POLI: variants seen among roughly 807,000 people sequenced by gnomAD.
POLI encodes the protein RAD30 homolog B.
In POLI, 58 loss-of-function variants were observed where a neutral mutation model predicts 51.6. That is an observed-to-expected ratio of 1.12 (90% CI 0.91 to 1.40). The LOEUF is 1.40. Ranked by LOEUF, POLI falls within the 40% of genes most tolerant of loss-of-function variation. The pLI is 0.00. For synonymous variants in POLI, 322 were observed against 299.7 expected (o/e 1.07, Z -0.77); for missense variants, 921 against 871.3 (o/e 1.06, Z -0.72).
At chr18:54,306,519 A>T (rs1344143719) in intron 3 of POLI, among the ~76,000 whole-genome samples, 1 of 145,316 alleles carries the variant, frequency 6.9e-6, no homozygotes, top group African/African-American at 2.5e-5. Flanking sequence ...CATCAGGGAT[A>T]TTGGTCTAAA....
chr18:54,280,274 GGAA>G (rs1262119662), intron 4 of POLI, among the ~76,000 whole-genome samples: 2 of 152,226 alleles, frequency 1.3e-5, no homozygotes, highest in Admixed American at 1.3e-4. Context: ...CACTCATGGT[GGAA>G]GGCAAAAGGG....
rs752557345 is a variant in POLI, at chr18:54,277,852, C to G, written c.556C>G (p.Gln186Glu). 1.2e-6 allele frequency: 2 copies of G among 1,608,920 alleles called. No individual in the cohort carries two copies. Among genetic ancestry groups the G allele is most frequent in the South Asian group, 2.2e-5 (2 of 90,534 alleles). ...TGTGTCGGGTCATGTATACAATAAT[C>G]AGTGTGAGTGGGTTCTTATTCATTC... ...VTVSGHVYNN[Q>E]SINLLDVLHI... Residue 186 changes from glutamine (Q) to glutamate (E), a missense_variant, in exon 4 of 10, where the codon CAG becomes GAG. By Grantham distance (29) the Gln-to-Glu change is conservative. Coordinates refer to ENST00000579534, the MANE Select transcript of POLI (RefSeq NM_007195.3).
Position 54,269,599 on chromosome 18 carries a change from AGG to A in POLI, c.54_55del (p.Glu19ArgfsTer23). The A allele has an allele frequency of 6.7e-7, 1 of 1,502,010 alleles. No individual in the cohort carries two copies. Among genetic ancestry groups the A allele is most frequent in the African/African-American group, 1.5e-5 (1 of 68,124 alleles). 93.0% of individuals were successfully genotyped at this position (1,502,010 alleles called of 1,614,324 possible). ...GAGGAAGGCGGCGGCGACGACGACG[AGG>A]AAGACGCCGAGGCCTGGGCCATGGA... On this transcript the variant is annotated frameshift_variant, in exon 1 of 10. Coordinates refer to ENST00000579534, the MANE Select transcript of POLI (RefSeq NM_007195.3). LOFTEE classifies it high-confidence loss of function.
chr18:54,294,416 G>T lies in POLI; in HGVS notation c.2172G>T (p.Leu724=), dbSNP rs1184825807. 3 of 1,612,158 alleles carry T rather than the reference G, an allele frequency of 1.9e-6. No homozygotes were observed. Among genetic ancestry groups the T allele is most frequent in the African/African-American group, 1.3e-5 (1 of 74,788 alleles). ...YELPEAVQKE[L]LAEWKRAGSD... is the part of the protein sequence containing the mutation. ...TACCAGAAGCAGTACAAAAGGAACT[G>T]CTGGCAGAGTGGAAGAGAGCAGGAT... Residue 724 remains leucine (L), a synonymous_variant, in exon 10 of 10, where the codon CTG becomes CTT. Coordinates refer to ENST00000579534, the MANE Select transcript of POLI (RefSeq NM_007195.3).
downstream of POLI, among the ~76,000 whole-genome samples, chr18:54,301,377 T>C (rs1040067076): frequency 2.6e-5 from 4 of 152,122 alleles, no homozygotes; most frequent in African/African-American, 9.7e-5. Context: ...ACCTGAACAA[T>C]TGACATTTAT....
At chr18:54,274,968 T>G (rs2087173499) in intron 3 of POLI, 1 of 152,096 alleles carries the variant, frequency 6.6e-6, no homozygotes. Flanking sequence ...CCTAACCCAG[T>G]GTCTAACAAT....
At position 54,280,742 on chromosome 18, in the gene POLI, T is replaced by C. The variant is rs2087459841; in HGVS notation, c.635T>C (p.Met212Thr). ...ATTGCAGCAGAGATGCGGGAAGCCA[T>C]GTATAATCAGTTGGGGCTCACTGGC... ...SQIAAEMREAMYNQLGLTGCA... is the reference protein window; with the variant it reads ...SQIAAEMREATYNQLGLTGCA... The change falls in exon 5 of 10, where the codon ATG (methionine) becomes ACG (threonine). Residue 212 changes from methionine (M) to threonine (T), a missense_variant. Transcript: ENST00000579534. 1 of 1,613,932 alleles carries C rather than the reference T, an allele frequency of 6.2e-7. No homozygotes were observed. Among genetic ancestry groups the C allele is most frequent in the Non-Finnish European group, 8.5e-7 (1 of 1,179,796 alleles).
At chr18:54,286,786 A>G (rs2087765391) in intron 7 of POLI, among the ~76,000 whole-genome samples, 1 of 152,134 alleles carries the variant, frequency 6.6e-6, no homozygotes. Flanking sequence ...TCTACTAAAA[A>G]TACAAAAATT....
At chr18:54,272,467 A>G (rs138029521) in intron 2 of POLI, among the ~76,000 whole-genome samples, 10 of 152,154 alleles carry the variant, frequency 6.6e-5, no homozygotes, top group African/African-American at 2.4e-4. Context: ...GTAGTCTTTC[A>G]TTTTGTTTTT....
intron 1 of POLI, chr18:54,269,893 G>C: frequency 1.6e-6 from 2 of 1,253,626 alleles, no homozygotes; most frequent in Non-Finnish European, 2.0e-6. Flanking sequence ...TACGTGTCGA[G>C]GGTTTATCTG....
At chr18:54,320,728 T>C (rs551340086) in intron 4 of POLI, among the ~76,000 whole-genome samples, 5 of 152,178 alleles carry the variant, frequency 3.3e-5, no homozygotes, top group African/African-American at 1.2e-4. Flanking sequence ...ATGAGTGATA[T>C]GGTAGATAAA....
At chr18:54,285,588 G>T (rs943063197) in intron 7 of POLI, among the ~76,000 whole-genome samples, 1 of 151,140 alleles carries the variant, frequency 6.6e-6, no homozygotes, top group South Asian at 2.1e-4. Context: ...TTTCTCTAGA[G>T]TATGTTATGA....
intron 3 of POLI, among the ~76,000 whole-genome samples, chr18:54,315,376 G>A (rs1039028407): frequency 1.5e-4 from 23 of 151,992 alleles, no homozygotes; most frequent in Non-Finnish European, 7.4e-5. Context: ...CTTTATGTAT[G>A]GCCAAGTATG....
chr18:54,276,417 T>C (rs3730716), intron 3 of POLI, among the ~76,000 whole-genome samples: 57,365 of 151,944 alleles, frequency 0.38, 11,679 homozygotes, highest in East Asian at 0.68. Flanking sequence ...ATTTGTCCTG[T>C]GACCTAAAAT....
intron 7 of POLI, among the ~76,000 whole-genome samples, chr18:54,285,972 G>A (rs181028931): frequency 6.6e-6 from 1 of 152,234 alleles, no homozygotes; most frequent in East Asian, 1.9e-4. Flanking sequence ...CTGGGCTCAA[G>A]CAATCCTCCC....
At chr18:54,317,269 G>A (rs1373570511) in intron 3 of POLI, among the ~76,000 whole-genome samples, 5 of 152,136 alleles carry the variant, frequency 3.3e-5, no homozygotes, top group Non-Finnish European at 7.3e-5. Context: ...TCCTTTCTCA[G>A]ATAACCCACA....
chr18:54,270,120 C>G (rs2086937250), intron 1 of POLI: 6 of 760,654 alleles, frequency 7.9e-6, no homozygotes, highest in Non-Finnish European at 9.6e-6. Flanking sequence ...TCCGGTGACC[C>G]ACTTCCAGCT....
rs142974796 is a variant in POLI at position 54,274,033 on chromosome 18, G to A, written c.349G>A (p.Val117Ile). ...RDAKEKCPQLVLVNGEDLTRY... is the reference protein window; with the variant it reads ...RDAKEKCPQLILVNGEDLTRY... ...TGCAAAAGAAAAGTGTCCACAGTTG[G>A]TATTAGTTAATGGAGAAGACCTGAC... Residue 117 changes from valine to isoleucine, a missense_variant, in exon 3 of 10, where the codon GTA becomes ATA. Physicochemically the swap from Val to Ile is conservative, Grantham distance 29. Coordinates refer to ENST00000579534, the MANE Select transcript of POLI (RefSeq NM_007195.3). 1.4e-4 allele frequency: 216 copies of A among 1,570,522 alleles called. 1 individual carries two copies. The East Asian group carries it at 3.4e-3, about 25-fold the overall frequency.
At position 54,293,947 on chromosome 18, in the gene POLI, T is replaced by C. The variant is rs567807681; in HGVS notation, c.1703T>C (p.Val568Ala). Reference sequence around the variant, plus strand: ...TGTCCATTACATGCCTCTAGAGGAGTATTATCTTTCTTTTCTAAAAAACAA... The same window carrying C: ...TGTCCATTACATGCCTCTAGAGGAGCATTATCTTTCTTTTCTAAAAAACAA... Reference protein sequence around the residue: ...VSCPLHASRGVLSFFSKKQMQ... With the variant: ...VSCPLHASRGALSFFSKKQMQ... Residue 568 changes from valine (V) to alanine (A), a missense_variant, in exon 10 of 10, where the codon GTA becomes GCA. Physicochemically the swap from Val to Ala is moderately conservative, Grantham distance 64. Coordinates refer to ENST00000579534, the MANE Select transcript of POLI (RefSeq NM_007195.3). 1 of 1,612,314 alleles carries C rather than the reference T, an allele frequency of 6.2e-7. No individual in the cohort carries two copies. The highest frequency in any genetic ancestry group is 1.3e-5 in the African/African-American group (1 of 74,998).
Sources: gnomAD v4.1 joint callset for allele counts (sites outside exome capture counted in the v4.1 genomes callset) on GRCh38, gnomAD v4.1.1 for gene constraint, MANE v1.5 for transcripts, NCBI Gene and HGNC (gene_info 2026-07-23, HGNC 2026-07-21) for gene names.